HERC1: variants seen among roughly 807,000 people sequenced by gnomAD.
HERC1 encodes probable E3 ubiquitin-protein ligase HERC1.
Under a neutral mutation model 554.3 loss-of-function variants are expected in HERC1, and 160 were observed. The ratio of observed to expected loss-of-function variants is 0.29; its 90% CI spans 0.25 to 0.33. The LOEUF (loss-of-function observed/expected upper bound fraction) is 0.33, where lower values mean the gene tolerates loss of function less well. Ranked by LOEUF, HERC1 falls within the 10% of genes least tolerant of loss-of-function variation. The pLI, the probability that HERC1 is intolerant of heterozygous loss-of-function variation, is 1.00. For missense variants in HERC1, 4,919 were observed against 5,918.5 expected (o/e 0.83, Z 5.54); for synonymous variants, 2,175 against 2,131.7 (o/e 1.02, Z -0.56).
rs144066815 is a variant in HERC1 at position 63,805,282 on chromosome 15, T to C, written c.-27+28545A>G. 3.2e-3 allele frequency among the ~76,000 whole-genome samples: 487 copies of C among 152,304 alleles called. 5 individuals are homozygous for C. The highest frequency in any genetic ancestry group is 2.8e-3 in the Non-Finnish European group (191 of 68,018). ...CGACTGATTCAAACAACACAATGGT[T>C]ATTCATTACAAGCAAAATGAATAAT... is the stretch of plus-strand genomic sequence containing the variant. On this transcript the variant is annotated intron_variant, in intron 1 of 77. Transcript: ENST00000443617.
Position 63,758,890 on chromosome 15 carries a change from C to T in HERC1, c.1027-521G>A, listed in dbSNP as rs1396405852. On this transcript the variant is annotated intron_variant, in intron 3 of 77. Coordinates refer to ENST00000443617, the MANE Select transcript of HERC1 (RefSeq NM_003922.4). The surrounding 1 kb of genome is among the most constrained non-coding windows in gnomAD (Gnocchi z 4.0). ...CATCACAATGTACTCAACCACTTCC[C>T]CACCCCCAACTTTTTTTTTAAATAG... Among the ~76,000 whole-genome samples, 1 of 151,968 alleles carries T rather than the reference C, an allele frequency of 6.6e-6. No homozygotes were observed. Among genetic ancestry groups the T allele is most frequent in the Non-Finnish European group, 1.5e-5 (1 of 68,012 alleles).
At chr15:63,691,724 C>T (rs184668440) in intron 31 of HERC1, among the ~76,000 whole-genome samples, 200 of 151,488 alleles carry the variant, frequency 1.3e-3, no homozygotes, top group African/African-American at 4.7e-3. Context: ...TACCATGTGC[C>T]GTAGAGGATT....
At chr15:63,750,879 G>A (rs1316851744) in intron 8 of HERC1, among the ~76,000 whole-genome samples, 1 of 152,208 alleles carries the variant, frequency 6.6e-6, no homozygotes, top group Admixed American at 6.5e-5. Flanking sequence ...CAAGGCTGCA[G>A]TGAGCCATGT....
intron 77 of HERC1, among the ~76,000 whole-genome samples, chr15:63,611,032 G>A (rs893071133): frequency 3.9e-5 from 6 of 152,316 alleles, no homozygotes; most frequent in African/African-American, 1.4e-4. Flanking sequence ...GGTTCTTGGA[G>A]GAGATGACTG....
chr15:63,632,147 CTCAG>C (rs2068588594), intron 68 of HERC1: 1 of 154,648 alleles, frequency 6.5e-6, no homozygotes, highest in African/African-American at 2.4e-5. Context: ...AGCTCATGTC[CTCAG>C]TCAGAGGCAT....
At position 63,775,238 on chromosome 15, in the gene HERC1, T is replaced by C. The variant is rs1033734759; in HGVS notation, c.386A>G (p.Gln129Arg). 4 of 1,613,946 alleles carry C rather than the reference T, an allele frequency of 2.5e-6. No individual in the cohort carries two copies. The highest frequency in any genetic ancestry group is 2.2e-5 in the East Asian group (1 of 44,902). The change falls in exon 2 of 78, where the codon CAG becomes CGG. Residue 129 changes from glutamine (Q) to arginine (R), a missense_variant. Physicochemically the swap from Gln to Arg is conservative, Grantham distance 43 (BLOSUM62 1). Around this residue, in one of 11 missense-constraint regions of HERC1, gnomAD observed 744 missense variants for 1,090.0 expected, o/e 0.68. Transcript: ENST00000443617. This position sits in a 1 kb window ranked among gnomAD's most constrained non-coding sequence, Gnocchi z 4.0. The part of the protein sequence containing the change: ...NKYHDKGKVK[Q>R]QQHSPESSSG... ...ACTGCTCTCCGGAGAATGCTGCTGCTGCTTCACCTTGCCTTTGTCATGGTA... is the reference window on the plus strand; with the variant it reads ...ACTGCTCTCCGGAGAATGCTGCTGCCGCTTCACCTTGCCTTTGTCATGGTA...
chr15:63,661,489 G>A (rs1253167355), intron 45 of HERC1, among the ~76,000 whole-genome samples: 2 of 152,254 alleles, frequency 1.3e-5, no homozygotes, highest in East Asian at 3.9e-4. Flanking sequence ...GCCTCCTGAG[G>A]GTTAAGGCAA....
At chr15:63,623,655 G>A (rs1243553061) in intron 73 of HERC1, 70 bp downstream of exon 73, 1 of 1,411,592 alleles carries the variant, frequency 7.1e-7, no homozygotes, top group African/African-American at 1.4e-5. Flanking sequence ...CTGGCAGAGT[G>A]ATCACTGGAA....
chr15:63,759,447 C>T (rs2075536964), intron 3 of HERC1, among the ~76,000 whole-genome samples: 1 of 152,178 alleles, frequency 6.6e-6, no homozygotes, highest in Non-Finnish European at 1.5e-5. Context: ...CATCCCAGTA[C>T]CAATTTCACT....
rs2072311199 is a variant in HERC1, at chr15:63,694,896, TG to T, written c.5122-3del. The T allele has an allele frequency of 1.9e-6, 3 of 1,608,562 alleles. No homozygotes were observed. Among genetic ancestry groups the T allele is most frequent in the African/African-American group, 2.7e-5 (2 of 74,720 alleles). ...TCTCTTAGCTGCTCTGATCCCATCC[TG>T]AATTACACATAAAGAATTACTTTTT... On this transcript the variant is annotated splice_polypyrimidine_tract_variant and splice_region_variant and intron_variant, in intron 27 of 77. Coordinates refer to ENST00000443617, the MANE Select transcript of HERC1 (RefSeq NM_003922.4). The surrounding 1 kb of genome is among the most constrained non-coding windows in gnomAD (Gnocchi z 4.3).
At chr15:63,628,447 A>G (rs1595852065) in intron 70 of HERC1, among the ~76,000 whole-genome samples, 2 of 152,324 alleles carry the variant, frequency 1.3e-5, no homozygotes, top group East Asian at 3.9e-4. Context: ...AGTAATATGT[A>G]TTCTGCTTTT....
intron 32 of HERC1, 93 bp downstream of exon 32, chr15:63,690,448 A>T: frequency 1.3e-6 from 1 of 746,232 alleles, no homozygotes. Context: ...AATAAAAGAC[A>T]CATTTACAAC....
Position 63,729,386 on chromosome 15 carries a change from TC to T in HERC1, c.3022-19del. 1 of 1,590,896 alleles carries T rather than the reference TC, an allele frequency of 6.3e-7. No homozygotes were observed. Among genetic ancestry groups the T allele is most frequent in the Non-Finnish European group, 8.5e-7 (1 of 1,172,008 alleles). ...CTTGAGTTCTAAGAAGAAAAAAAGT[TC>T]CTAAATTACTACTTTGAAAGATTCA... On this transcript the variant is annotated intron_variant, in intron 15 of 77. Transcript: ENST00000443617.
chr15:63,629,477 A>G (rs1163403827), intron 69 of HERC1, among the ~76,000 whole-genome samples: 2 of 152,222 alleles, frequency 1.3e-5, no homozygotes, highest in Non-Finnish European at 2.9e-5. Flanking sequence ...TCTGTGTAAC[A>G]ATAAATAAAC....
At chr15:63,744,150 GTGTGTGTGTGTGTGTCTCTC>G (rs1332708597) in intron 12 of HERC1, among the ~76,000 whole-genome samples, 47 of 41,560 alleles carry the variant, frequency 1.1e-3, no homozygotes, top group African/African-American at 3.2e-3. Flanking sequence ...GTGTGTGTGT[GTGTGTGTGTGTGTGTCTCTC>G]TCTCTCTCTC....
At chr15:63,759,464 A>G (rs1030153550) in intron 3 of HERC1, among the ~76,000 whole-genome samples, 1 of 152,112 alleles carries the variant, frequency 6.6e-6, no homozygotes, top group African/African-American at 2.4e-5. Context: ...CACTGAATCC[A>G]TACTCATAAT....
At chr15:63,826,393 C>T (rs538945592) in intron 1 of HERC1, among the ~76,000 whole-genome samples, 1 of 152,246 alleles carries the variant, frequency 6.6e-6, no homozygotes, top group African/African-American at 2.4e-5. Flanking sequence ...CAAATAACTA[C>T]CATACCATGG....
intron 74 of HERC1, among the ~76,000 whole-genome samples, chr15:63,621,783 G>A (rs57628136): frequency 0.018 from 2,678 of 152,016 alleles, 74 homozygotes; most frequent in African/African-American, 0.061. Flanking sequence ...TGATCGAATC[G>A]GTTACTGAGG....
intron 12 of HERC1, among the ~76,000 whole-genome samples, chr15:63,740,083 G>C (rs1373639297): frequency 6.6e-6 from 1 of 151,940 alleles, no homozygotes; most frequent in African/African-American, 2.4e-5. Context: ...ACTAATTTTT[G>C]TATTTTTAGT....
Sources: allele counts gnomAD v4.1 joint callset (sites outside exome capture counted in the v4.1 genomes callset), GRCh38; gene constraint gnomAD v4.1.1; regional missense constraint gnomAD v4.1.1; non-coding constraint Gnocchi (gnomAD v3.1); transcripts MANE v1.5; gene names NCBI Gene and HGNC (gene_info 2026-07-23, HGNC 2026-07-21).